The following MARCHF1 variants were observed in gnomAD, a reference collection of about 807,000 sequenced individuals.
MARCHF1 encodes the protein membrane associated ring-CH-type finger 1, also known as E3 ubiquitin-protein ligase MARCHF1.
Under a neutral mutation model 54.2 loss-of-function variants are expected in MARCHF1, and 40 were observed. The observed-to-expected ratio is 0.74, with a 90% confidence interval of 0.57 to 0.96. MARCHF1 has a LOEUF of 0.96. Ranked by LOEUF, MARCHF1 falls within the 40% of genes least tolerant of loss-of-function variation. The probability of loss-of-function intolerance (pLI) is 0.00; values close to 1 mark genes in which losing one functional copy is unlikely to be tolerated. For synonymous variants in MARCHF1, 236 were observed against 236.3 expected (o/e 1.00, Z 0.01); for missense variants, 586 against 656.5 (o/e 0.89, Z 1.17).
intron 3 of MARCHF1, among the ~76,000 whole-genome samples, chr4:163,898,990 C>T (rs77580082): frequency 3.8e-4 from 58 of 152,188 alleles, no homozygotes; most frequent in African/African-American, 1.3e-3. Context: ...AACAATGTGT[C>T]CACATGGACA....
intron 3 of MARCHF1, among the ~76,000 whole-genome samples, chr4:163,966,034 C>T (rs1034468287): frequency 1.3e-5 from 2 of 152,016 alleles, no homozygotes; most frequent in East Asian, 1.9e-4. Flanking sequence ...TCTGATGCTA[C>T]GGTTTATTAC....
chr4:164,262,245 T>G lies in MARCHF1; in HGVS notation c.-323+121625A>C, dbSNP rs76648421. ...CTTATTAATATTTAATGCATGACTA[T>G]GTGCAGACTTGGGAGGAAAAATATG... On this transcript the variant is annotated intron_variant, in intron 1 of 9. Transcript: ENST00000514618. Among the ~76,000 whole-genome samples, 135 of 152,278 alleles carry G rather than the reference T, an allele frequency of 8.9e-4. 1 individual carries two copies. The East Asian group carries it at 0.024, about 28-fold the overall frequency.
At chr4:164,342,536 T>A (rs867408817) in intron 1 of MARCHF1, among the ~76,000 whole-genome samples, 31 of 148,456 alleles carry the variant, frequency 2.1e-4, no homozygotes, top group South Asian at 2.1e-4. Flanking sequence ...ATAATAATAA[T>A]AAAAAAATAT....
In MARCHF1 at chr4:163,527,477, A is replaced by T. The variant is rs1738155394; in HGVS notation, c.*1271T>A. On this transcript the variant is annotated 3_prime_UTR_variant, in exon 10 of 10. Coordinates refer to ENST00000514618, the MANE Select transcript of MARCHF1 (RefSeq NM_001394959.1). The stretch of plus-strand genomic sequence containing the variant: ...TTTATTCCCCTATTGTAAGTACTTC[A>T]TAGTAACAATTTATTTATTTCACAA... 1 of 151,426 alleles carries T rather than the reference A, an allele frequency of 6.6e-6. No homozygotes were observed. The highest frequency in any genetic ancestry group is 2.1e-4 in the South Asian group (1 of 4,798). The allele number at this position is 151,426 out of a possible 1,614,324, so 9.4% of individuals were successfully genotyped here.
At chr4:164,078,500 A>G (rs1419149680) in intron 2 of MARCHF1, among the ~76,000 whole-genome samples, 1 of 151,890 alleles carries the variant, frequency 6.6e-6, no homozygotes, top group Admixed American at 6.6e-5. Context: ...CATGTTCTGC[A>G]CATGTACCCC....
chr4:164,011,504 G>A (rs193156581), intron 2 of MARCHF1, among the ~76,000 whole-genome samples: 2 of 152,216 alleles, frequency 1.3e-5, no homozygotes, highest in African/African-American at 4.8e-5. Flanking sequence ...TGGCCAATAG[G>A]TATATTTAAA....
chr4:163,655,561 T>C (rs1743108041), intron 5 of MARCHF1, among the ~76,000 whole-genome samples: 1 of 151,814 alleles, frequency 6.6e-6, no homozygotes, highest in Non-Finnish European at 1.5e-5. Context: ...GTGGACCTGA[T>C]AGGTATCTAC....
intron 1 of MARCHF1, among the ~76,000 whole-genome samples, chr4:164,364,858 C>T (rs1242418863): frequency 6.6e-6 from 1 of 151,448 alleles, no homozygotes; most frequent in African/African-American, 2.4e-5. Flanking sequence ...ATTCTATAAC[C>T]TGTAGATTAT....
At chr4:163,698,434 T>C (rs1208062413) in intron 5 of MARCHF1, among the ~76,000 whole-genome samples, 3 of 152,228 alleles carry the variant, frequency 2.0e-5, no homozygotes, top group African/African-American at 7.2e-5. Flanking sequence ...AAAGTTAAGT[T>C]GGTTTAAATA....
intron 5 of MARCHF1, among the ~76,000 whole-genome samples, chr4:163,681,430 G>A (rs1449451828): frequency 6.6e-6 from 1 of 152,066 alleles, no homozygotes; most frequent in Non-Finnish European, 1.5e-5. Context: ...CACATCATAG[G>A]CTGATATAGT....
At chr4:163,847,216 T>C (rs985016161) in intron 4 of MARCHF1, among the ~76,000 whole-genome samples, 3 of 152,190 alleles carry the variant, frequency 2.0e-5, no homozygotes, top group Non-Finnish European at 4.4e-5. Flanking sequence ...ATAATTTTCA[T>C]TCTTGATCTT....
intron 2 of MARCHF1, among the ~76,000 whole-genome samples, chr4:164,088,508 TG>T (rs941616242): frequency 6.6e-6 from 1 of 152,100 alleles, no homozygotes; most frequent in African/African-American, 2.4e-5. Flanking sequence ...GAGGCCAAGA[TG>T]GGCAGATTGC....
intron 1 of MARCHF1, among the ~76,000 whole-genome samples, chr4:164,184,709 G>A (rs1372982061): frequency 1.3e-5 from 2 of 152,104 alleles, no homozygotes; most frequent in African/African-American, 4.8e-5. Flanking sequence ...AACTCCCAAT[G>A]TTGACCTGAC....
intron 1 of MARCHF1, among the ~76,000 whole-genome samples, chr4:164,325,117 GAAAT>G (rs1169655557): frequency 1.3e-5 from 2 of 151,684 alleles, no homozygotes; most frequent in East Asian, 1.9e-4. Context: ...TAGATCAGTG[GAAAT>G]AAATAAGTCT....
At chr4:163,954,648 T>A (rs1255323904) in intron 3 of MARCHF1, among the ~76,000 whole-genome samples, 2 of 152,196 alleles carry the variant, frequency 1.3e-5, no homozygotes, top group African/African-American at 4.8e-5. Context: ...CATAAAATTT[T>A]AAAAATCTAA....
chr4:163,835,290 C>T (rs2111111795), intron 4 of MARCHF1, among the ~76,000 whole-genome samples: 1 of 152,092 alleles, frequency 6.6e-6, no homozygotes, highest in Middle Eastern at 3.4e-3. Context: ...TGGATAAGAC[C>T]ACATTCGTGG....
intron 1 of MARCHF1, among the ~76,000 whole-genome samples, chr4:164,309,128 A>G (rs1312519104): frequency 1.9e-4 from 29 of 152,092 alleles, no homozygotes; most frequent in Non-Finnish European, 5.9e-5. Flanking sequence ...ACAGTATAAA[A>G]ATATAGAATT....
chr4:163,905,224 A>G (rs770084663), intron 3 of MARCHF1, among the ~76,000 whole-genome samples: 6 of 152,064 alleles, frequency 3.9e-5, no homozygotes, highest in Non-Finnish European at 8.8e-5. Flanking sequence ...CAAAAAGTGA[A>G]GAAAATTATA....
chr4:163,831,192 G>A (rs1357508766), intron 4 of MARCHF1, among the ~76,000 whole-genome samples: 2 of 152,172 alleles, frequency 1.3e-5, no homozygotes, highest in African/African-American at 4.8e-5. Flanking sequence ...CAAAGGGAGT[G>A]GGGGCTAGAT....
Sources: allele counts gnomAD v4.1 joint callset (sites outside exome capture counted in the v4.1 genomes callset), GRCh38; gene constraint gnomAD v4.1.1; transcripts MANE v1.5; gene names NCBI Gene and HGNC (gene_info 2026-07-23, HGNC 2026-07-21).